Variants in KNDC1 observed in about 807,000 individuals in gnomAD.
KNDC1 encodes kinase non-catalytic C-lobe domain-containing protein 1.
A neutral mutation model predicts 172.8 loss-of-function variants in KNDC1; 106 were observed. The observed-to-expected ratio is 0.61, with a 90% CI of 0.52 to 0.72. The LOEUF (loss-of-function observed/expected upper bound fraction) is 0.72. Ranked by LOEUF, KNDC1 falls within the 30% of genes least tolerant of loss-of-function variation. The pLI is 0.00. For synonymous variants in KNDC1, 1,083 were observed against 1,062.2 expected (o/e 1.02, Z -0.38); for missense variants, 2,325 against 2,394.5 (o/e 0.97, Z 0.61).
intron 3 of KNDC1, among the ~76,000 whole-genome samples, chr10:133,168,706 C>T (rs1049371578): frequency 6.6e-6 from 1 of 152,246 alleles, no homozygotes; most frequent in African/African-American, 2.4e-5. Context: ...GGCAGGGAAT[C>T]ACAGCTCCTC....
intron 1 of KNDC1, among the ~76,000 whole-genome samples, chr10:133,165,014 G>A (rs543863587): frequency 1.3e-5 from 2 of 152,208 alleles, no homozygotes; most frequent in South Asian, 2.1e-4. Flanking sequence ...GTCCCAGAGG[G>A]CAGGTGACCC....
In KNDC1 at chr10:133,178,017, G is replaced by T. The variant is rs571796787; in HGVS notation, c.361-5327G>T. 6.0e-5 allele frequency among the ~76,000 whole-genome samples: 9 copies of T among 150,190 alleles called. No homozygotes were observed. The East Asian group carries it at 9.8e-4, about 16-fold the overall frequency. ...GTGTGCATGTATGTGGTGTGTGCATGCATGTGGTATGTGTCATGGGCACAC... is the reference window on the plus strand; with the variant it reads ...GTGTGCATGTATGTGGTGTGTGCATTCATGTGGTATGTGTCATGGGCACAC... On this transcript the variant is annotated intron_variant, in intron 3 of 29. Coordinates refer to ENST00000304613, the MANE Select transcript of KNDC1 (RefSeq NM_152643.8).
Position 133,214,065 on chromosome 10 carries a change from C to T in KNDC1, c.4620C>T (p.Asn1540=), listed in dbSNP as rs751447204. 21 of 1,614,102 alleles carry T rather than the reference C, an allele frequency of 1.3e-5. No individual in the cohort carries two copies. In the East Asian group the frequency reaches 3.8e-4, roughly 29 times the overall value. ...QDKYLLQLLR[N]ADDVSTWVAA... ...AGTATCTGTTACAGCTTCTAAGAAACGCAGATGACGTCAGCACCTGGGTGG... is the reference window on the plus strand; with the variant it reads ...AGTATCTGTTACAGCTTCTAAGAAATGCAGATGACGTCAGCACCTGGGTGG... Residue 1540 remains asparagine (N), a synonymous_variant, in exon 26 of 30, where the codon AAC becomes AAT. Transcript: ENST00000304613.
intron 17 of KNDC1, among the ~76,000 whole-genome samples, chr10:133,203,185 CA>C: frequency 1.5e-5 from 1 of 67,240 alleles, no homozygotes; most frequent in East Asian, 3.1e-4. Flanking sequence ...GCACAGAGTC[CA>C]GCGGGGAGCA....
At chr10:133,161,789 G>T (rs999806374) in intron 1 of KNDC1, among the ~76,000 whole-genome samples, 10 of 152,178 alleles carry the variant, frequency 6.6e-5, no homozygotes, top group Admixed American at 3.9e-4. Flanking sequence ...CACATCCCAG[G>T]GTATCTGTTA....
Position 133,213,588 on chromosome 10 carries a change from G to A in KNDC1, c.4444-57G>A, listed in dbSNP as rs1845415838. The stretch of plus-strand genomic sequence containing the variant: ...CCCACCCTCCCTGGGACCCTGCCTT[G>A]GACACAAGGCCCTAAGGGATGGAAG... On this transcript the variant is annotated intron_variant, in intron 24 of 29. Transcript: ENST00000304613. 5 of 1,495,382 alleles carry A rather than the reference G, an allele frequency of 3.3e-6. No individual in the cohort carries two copies. In the South Asian group the frequency reaches 3.4e-5, roughly 10 times the overall value. 92.6% of individuals were successfully genotyped at this position (1,495,382 alleles called of 1,614,324 possible). A position where few individuals can be genotyped will look rare whatever the true frequency, so the allele number is the denominator to read the frequency against.
intron 29 of KNDC1, among the ~76,000 whole-genome samples, chr10:133,221,959 G>A (rs552883833): frequency 5.1e-4 from 73 of 142,828 alleles, no homozygotes; most frequent in African/African-American, 1.9e-3. Context: ...CCCTAGGTGG[G>A]CCGGGCTGGG....
At chr10:133,178,465 C>T (rs1209966715) in intron 3 of KNDC1, among the ~76,000 whole-genome samples, 2 of 152,198 alleles carry the variant, frequency 1.3e-5, no homozygotes, top group African/African-American at 4.8e-5. Flanking sequence ...CACCCAGCCT[C>T]GGATTTACCC....
In KNDC1 at chr10:133,206,787, C is replaced by G; in HGVS notation, c.3481+9C>G. 2 of 1,613,898 alleles carry G rather than the reference C, an allele frequency of 1.2e-6. No homozygotes were observed. Among genetic ancestry groups the G allele is most frequent in the Middle Eastern group, 1.7e-4 (1 of 6,060 alleles). On this transcript the variant is annotated intron_variant, in intron 18 of 29. Transcript: ENST00000304613. ...GGAAAAGAGGAACAAAGGTAAGGCC[C>G]CTGTGGGCACAGGTCCGAGACCCTG...
intron 6 of KNDC1, among the ~76,000 whole-genome samples, chr10:133,187,324 C>T (rs1354180714): frequency 1.3e-5 from 2 of 152,234 alleles, no homozygotes; most frequent in Admixed American, 6.5e-5. Context: ...GGGCCTGGTC[C>T]GTCGGCCCCT....
intron 4 of KNDC1, 116 bp from the exon 5 acceptor site, chr10:133,183,756 C>T (rs1564882403): frequency 1.1e-6 from 1 of 890,366 alleles, no homozygotes; most frequent in South Asian, 1.8e-5. Context: ...CAGGCGCAGG[C>T]AGGCTCTGGG....
Position 133,222,110 on chromosome 10 carries a change from C to T in KNDC1, c.5018+1998C>T, listed in dbSNP as rs1364356728. On this transcript the variant is annotated intron_variant, in intron 29 of 29. Transcript: ENST00000304613. ...CAGCCTGGCCAACATGGTGAAACCC[C>T]ATCTCTACTAAAAATACAAAAAATT... Among the ~76,000 whole-genome samples, 14 of 149,826 alleles carry T rather than the reference C, an allele frequency of 9.3e-5. 2 individuals are homozygous for T. The highest frequency in any genetic ancestry group is 2.0e-4 in the Admixed American group (3 of 15,030).
intron 10 of KNDC1, 124 bp downstream of exon 10, chr10:133,195,945 T>C: frequency 1.0e-6 from 1 of 975,948 alleles, no homozygotes; most frequent in South Asian, 1.8e-5. Context: ...CCACCAGGTC[T>C]GTTTCTAGGT....
chr10:133,172,229 C>T (rs370408587), intron 3 of KNDC1, among the ~76,000 whole-genome samples: 2 of 152,200 alleles, frequency 1.3e-5, no homozygotes, highest in East Asian at 3.8e-4. Flanking sequence ...CTTCCTCATC[C>T]AGAATGGCGC....
At chr10:133,207,575 CAG>C (rs1305944811) in intron 20 of KNDC1, among the ~76,000 whole-genome samples, 1 of 152,270 alleles carries the variant, frequency 6.6e-6, no homozygotes, top group Non-Finnish European at 1.5e-5. Context: ...CACCAGGTCT[CAG>C]GGTGCGCCTG....
At chr10:133,178,523 G>A (rs1166932343) in intron 3 of KNDC1, among the ~76,000 whole-genome samples, 5 of 152,050 alleles carry the variant, frequency 3.3e-5, no homozygotes, top group South Asian at 2.1e-4. Context: ...CCTCGGCCAC[G>A]CTCGGAAACG....
intron 26 of KNDC1, among the ~76,000 whole-genome samples, chr10:133,216,235 G>A (rs1358805066): frequency 6.6e-6 from 1 of 152,072 alleles, no homozygotes; most frequent in Admixed American, 6.6e-5. Flanking sequence ...ACAAGGGCAG[G>A]AAGAAACGGC....
intron 3 of KNDC1, among the ~76,000 whole-genome samples, chr10:133,173,467 T>G (rs981877245): frequency 6.7e-6 from 1 of 148,680 alleles, no homozygotes; most frequent in Non-Finnish European, 1.5e-5. Flanking sequence ...TGCCACATAA[T>G]GTTTGCATGA....
chr10:133,200,824 G>A (rs1056883830), intron 16 of KNDC1, among the ~76,000 whole-genome samples: 14 of 152,196 alleles, frequency 9.2e-5, no homozygotes, highest in Non-Finnish European at 2.1e-4. Context: ...CAAGCAGAGG[G>A]GGGCCTGTGA....
Sources: allele counts gnomAD v4.1 joint callset (sites outside exome capture counted in the v4.1 genomes callset), GRCh38; gene constraint gnomAD v4.1.1; transcripts MANE v1.5; gene names NCBI Gene and HGNC (gene_info 2026-07-23, HGNC 2026-07-21).